Variants in KAZN observed in about 807,000 individuals in gnomAD.
KAZN encodes the protein kazrin.
Under a neutral mutation model 87.4 loss-of-function variants are expected in KAZN, and 40 were observed. The ratio of observed to expected loss-of-function variants is 0.46; its 90% CI spans 0.36 to 0.60. KAZN has a LOEUF of 0.60. Ranked by LOEUF, KAZN falls within the 20% of genes least tolerant of loss-of-function variation. The pLI is 0.00. For synonymous variants in KAZN, 466 were observed against 458.3 expected, an observed-to-expected ratio of 1.02 and a Z score of -0.22; for missense variants, 898 against 1,073.9, an observed-to-expected ratio of 0.84 and a Z score of 2.29.
chr1:14,003,765 C>G (rs922034243), intron 1 of KAZN, among the ~76,000 whole-genome samples: 1 of 152,048 alleles, frequency 6.6e-6, no homozygotes. Context: ...AAACCAAAAA[C>G]CCTCCTAGAA....
At chr1:14,427,612 G>GTGTATA (rs74969614) in intron 2 of KAZN, among the ~76,000 whole-genome samples, 182 of 151,878 alleles carry the variant, frequency 1.2e-3, no homozygotes, top group African/African-American at 4.3e-3. Flanking sequence ...CTGTGTGTGT[G>GTGTATA]TATATATATG....
At position 14,145,478 on chromosome 1, in the gene KAZN, A is replaced by C. The variant is rs191905670; in HGVS notation, c.92-34957A>C. Among the ~76,000 whole-genome samples, 489 of 152,206 alleles carry C rather than the reference A, an allele frequency of 3.2e-3. 2 individuals are homozygous for C. Among genetic ancestry groups the C allele is most frequent in the Middle Eastern group, 0.02 (6 of 294 alleles). On this transcript the variant is annotated intron_variant, in intron 1 of 16. Transcript: ENST00000636203. ...GACACACACACACACCCACACCCCCACACACACTATTCTTTGACTTTATTT... is the reference window on the plus strand; with the variant it reads ...GACACACACACACACCCACACCCCCCCACACACTATTCTTTGACTTTATTT...
At chr1:14,745,483 A>G (rs1644239828) in intron 1 of KAZN, among the ~76,000 whole-genome samples, 1 of 152,110 alleles carries the variant, frequency 6.6e-6, no homozygotes. Context: ...TGCTCCTACA[A>G]CACTCTAATT....
chr1:14,964,422 G>A (rs549237463), intron 2 of KAZN, among the ~76,000 whole-genome samples: 203 of 152,234 alleles, frequency 1.3e-3, no homozygotes, highest in Admixed American at 2.7e-3. Flanking sequence ...CCAGACCTGA[G>A]ACCACCCCTT....
chr1:14,392,057 G>A (rs1662484634), intron 2 of KAZN, among the ~76,000 whole-genome samples: 1 of 147,830 alleles, frequency 6.8e-6, no homozygotes, highest in South Asian at 2.1e-4. Flanking sequence ...ACTGATTCCA[G>A]CAGGAACAAC....
chr1:14,406,901 C>T (rs1308698294), intron 2 of KAZN, among the ~76,000 whole-genome samples: 1 of 152,056 alleles, frequency 6.6e-6, no homozygotes, highest in Admixed American at 6.5e-5. Context: ...AGCTCATAGG[C>T]TTGAAGTGAG....
chr1:14,014,727 C>T (rs1340516743), intron 1 of KAZN, among the ~76,000 whole-genome samples: 1 of 152,194 alleles, frequency 6.6e-6, no homozygotes, highest in Non-Finnish European at 1.5e-5. Flanking sequence ...GATGCAGTGT[C>T]TAACAGAAAA....
intron 1 of KAZN, chr1:14,180,345 A>G: frequency 8.6e-7 from 1 of 1,162,698 alleles, no homozygotes; most frequent in Non-Finnish European, 1.2e-6. Flanking sequence ...TTGTATGTAC[A>G]CCCTTACTTT....
chr1:14,510,866 T>C (rs545036402), intron 2 of KAZN, among the ~76,000 whole-genome samples: 2 of 152,118 alleles, frequency 1.3e-5, no homozygotes, highest in African/African-American at 4.8e-5. Flanking sequence ...CAGAGGGAAA[T>C]TGGAAAATCA....
At chr1:14,092,369 G>A (rs1302270183) in intron 1 of KAZN, among the ~76,000 whole-genome samples, 2 of 150,568 alleles carry the variant, frequency 1.3e-5, no homozygotes, top group African/African-American at 4.9e-5. Flanking sequence ...GGGATTATAG[G>A]CGTGAGCCAC....
intron 2 of KAZN, among the ~76,000 whole-genome samples, chr1:14,243,315 C>A (rs534645136): frequency 1.1e-4 from 17 of 152,136 alleles, no homozygotes; most frequent in Admixed American, 6.5e-5. Context: ...GGTTTCTAGT[C>A]GGGCCCTACC....
At chr1:14,915,517 A>G (rs1286378100) in intron 1 of KAZN, among the ~76,000 whole-genome samples, 1 of 152,194 alleles carries the variant, frequency 6.6e-6, no homozygotes, top group African/African-American at 2.4e-5. Flanking sequence ...TTGGGGAAGA[A>G]GAAGTTCCGC....
intron 2 of KAZN, among the ~76,000 whole-genome samples, chr1:14,215,723 C>T (rs1376614021): frequency 6.6e-6 from 1 of 152,128 alleles, no homozygotes; most frequent in African/African-American, 2.4e-5. Context: ...TATTCAAGCC[C>T]ATGCAAATAA....
chr1:14,260,632 C>T (rs1469849895), intron 2 of KAZN, among the ~76,000 whole-genome samples: 1 of 152,164 alleles, frequency 6.6e-6, no homozygotes, highest in African/African-American at 2.4e-5. Context: ...TGAGCAATGC[C>T]ACAAAGTCGT....
At chr1:14,611,837 T>C (rs1317501406) in intron 1 of KAZN, among the ~76,000 whole-genome samples, 1 of 152,186 alleles carries the variant, frequency 6.6e-6, no homozygotes, top group Non-Finnish European at 1.5e-5. Context: ...AGTGTGGAAG[T>C]TGGCAAACTT....
At chr1:14,468,070 C>T (rs1279636610) in intron 2 of KAZN, among the ~76,000 whole-genome samples, 1 of 152,104 alleles carries the variant, frequency 6.6e-6, no homozygotes, top group African/African-American at 2.4e-5. Context: ...GAGGCTATCA[C>T]CAGAAGACAG....
intron 1 of KAZN, among the ~76,000 whole-genome samples, chr1:14,067,661 T>C (rs553265343): frequency 7.9e-5 from 12 of 152,198 alleles, no homozygotes; most frequent in Non-Finnish European, 1.6e-4. Flanking sequence ...CCTGGGTTAG[T>C]CCCACTGTGT....
chr1:14,287,696 G>A (rs1485074266), intron 2 of KAZN, among the ~76,000 whole-genome samples: 1 of 152,126 alleles, frequency 6.6e-6, no homozygotes, highest in African/African-American at 2.4e-5. Flanking sequence ...GATTGCCCTG[G>A]CCAGAACTTC....
chr1:14,746,034 T>C lies in KAZN; in HGVS notation c.226+146811T>C, dbSNP rs1337771860. On this transcript the variant is annotated intron_variant, in intron 1 of 14. Transcript: ENST00000376030. ...AGCTGGCTTTGAAAGAAAAATCACA[T>C]TCATTGTGCAATATGATTTATCATG... 2.0e-5 allele frequency among the ~76,000 whole-genome samples: 3 copies of C among 152,210 alleles called. No homozygotes were observed. The East Asian group carries it at 5.8e-4, about 29-fold the overall frequency.
Sources: allele counts gnomAD v4.1 joint callset (sites outside exome capture counted in the v4.1 genomes callset), GRCh38; gene constraint gnomAD v4.1.1; transcripts MANE v1.5; gene names NCBI Gene and HGNC (gene_info 2026-07-23, HGNC 2026-07-21).